Variants in USP28 observed in about 807,000 individuals in gnomAD.
The protein encoded by USP28 is ubiquitin specific peptidase 28, also known as ubiquitin carboxyl-terminal hydrolase 28.
USP28 carries 113 observed loss-of-function variants against 145.0 expected under a neutral mutation model. The observed-to-expected ratio is 0.78, with a 90% confidence interval of 0.67 to 0.91. The LOEUF is 0.91. USP28 is among the 40% of genes least tolerant of loss of function. The probability of loss-of-function intolerance (pLI) is 0.00; values close to 1 mark genes in which losing one functional copy is unlikely to be tolerated. For synonymous variants in USP28, 447 were observed against 450.9 expected, an observed-to-expected ratio of 0.99 and a Z score of 0.11; for missense variants, 1,201 against 1,289.6, an observed-to-expected ratio of 0.93 and a Z score of 1.05.
At chr11:113,859,987 T>C (rs1260100562) in intron 1 of USP28, among the ~76,000 whole-genome samples, 1 of 152,220 alleles carries the variant, frequency 6.6e-6, no homozygotes, top group Non-Finnish European at 1.5e-5. Flanking sequence ...TCTAGCCCAC[T>C]TCTCAGGAAG....
At position 113,833,502 on chromosome 11, in the gene USP28, A is replaced by T. The variant is rs1399358926; in HGVS notation, c.677T>A (p.Met226Lys). Reference sequence around the variant, plus strand: ...GTCTACAAATTTTCTATTTGATCCCATCATTAGAGCAAACAAATACTGAAG... The same window carrying T: ...GTCTACAAATTTTCTATTTGATCCCTTCATTAGAGCAAACAAATACTGAAG... The change falls in exon 7 of 25, where the codon ATG becomes AAG. Residue 226 changes from methionine to lysine, a missense_variant. Transcript: ENST00000003302. 4 of 1,614,232 alleles carry T rather than the reference A, an allele frequency of 2.5e-6. No homozygotes were observed. The Admixed American group carries it at 6.7e-5, about 27-fold the overall frequency.
chr11:113,841,612 T>G, intron 4 of USP28, 51 bp downstream of exon 4: 7 of 1,228,410 alleles, frequency 5.7e-6, no homozygotes, highest in Non-Finnish European at 8.2e-6. Flanking sequence ...GCTGTTGCCT[T>G]TGAGATACAC....
intron 1 of USP28, among the ~76,000 whole-genome samples, chr11:113,872,665 A>C (rs551295366): frequency 1.3e-5 from 2 of 152,212 alleles, no homozygotes; most frequent in African/African-American, 2.4e-5. Flanking sequence ...GCAGGTTTTT[A>C]TAAGGCTTCA....
In USP28 at chr11:113,854,276, AAAGG is replaced by A; in HGVS notation, c.113_116del (p.Ser38PhefsTer6). 21 of 1,614,054 alleles carry A rather than the reference AAAGG, an allele frequency of 1.3e-5. No individual in the cohort carries two copies. Among genetic ancestry groups the A allele is most frequent in the Non-Finnish European group, 1.8e-5 (21 of 1,179,936 alleles). ...AACCAACCTTCAGAGCTTCATGGAG[AAAGG>A]AAGGGTCCTGAATGCCTGTGATTTC... On this transcript the variant is annotated frameshift_variant, in exon 2 of 25. Transcript: ENST00000003302. LOFTEE classifies it high-confidence loss of function.
At chr11:113,836,070 CTG>C (rs1336739641) in intron 5 of USP28, among the ~76,000 whole-genome samples, 1 of 152,128 alleles carries the variant, frequency 6.6e-6, no homozygotes, top group Non-Finnish European at 1.5e-5. Context: ...AAGAACGAAA[CTG>C]TCTCAAAACA....
chr11:113,810,334 CAT>C (rs541342560), intron 16 of USP28, among the ~76,000 whole-genome samples: 360 of 152,240 alleles, frequency 2.4e-3, no homozygotes, highest in Non-Finnish European at 4.5e-3. Flanking sequence ...ATATCAATGA[CAT>C]ATAAAATTTC....
chr11:113,814,265 T>C (rs1323721430), intron 14 of USP28, among the ~76,000 whole-genome samples: 2 of 152,162 alleles, frequency 1.3e-5, no homozygotes, highest in African/African-American at 2.4e-5. Flanking sequence ...AGACAGGATC[T>C]GAAATGAGAA....
chr11:113,804,871 T>C, exon 20 of USP28: 1 of 1,614,082 alleles, frequency 6.2e-7, no homozygotes, highest in Non-Finnish European at 8.5e-7. Context: ...TTCTCACCTT[T>C]CATCATAGCT....
In USP28 at chr11:113,817,727, CTTTCAGGTGGACAGCTT is replaced by C. The variant is rs760599929; in HGVS notation, c.1377_1393del (p.Ser460Ter). 1 of 1,614,180 alleles carries C rather than the reference CTTTCAGGTGGACAGCTT, an allele frequency of 6.2e-7. No individual in the cohort carries two copies. The highest frequency in any genetic ancestry group is 8.5e-7 in the Non-Finnish European group (1 of 1,180,046). Reference sequence around the variant, plus strand: ...AAGTGGTAATGTCATATGTGTGTCACTTTCAGGTGGACAGCTTTCTGAGGCAGGTTTTGTACTAGCAA... The same window carrying C: ...AAGTGGTAATGTCATATGTGTGTCACTCTGAGGCAGGTTTTGTACTAGCAA... On this transcript the variant is annotated frameshift_variant, in exon 13 of 25. Coordinates refer to ENST00000003302, the Ensembl canonical transcript of USP28. LOFTEE classifies it high-confidence loss of function.
Position 113,827,153 on chromosome 11 carries a change from C to A in USP28, c.1187+80G>T. The A allele has an allele frequency of 2.0e-6, 3 of 1,497,106 alleles. 1 individual carries two copies. In the East Asian group the frequency reaches 7.1e-5, roughly 35 times the overall value. 92.7% of individuals were successfully genotyped at this position (1,497,106 alleles called of 1,614,324 possible). A position where few individuals can be genotyped will look rare whatever the true frequency, so the allele number is the denominator to read the frequency against. Reference sequence around the variant, plus strand: ...TATTATCATGTCTCCCAGGTGATTCCTACGCACACTATACTTAGTACGTGC... The same window carrying A: ...TATTATCATGTCTCCCAGGTGATTCATACGCACACTATACTTAGTACGTGC... On this transcript the variant is annotated intron_variant, in intron 11 of 24. Transcript: ENST00000003302.
At chr11:113,832,401 G>A (rs1025509272) in intron 7 of USP28, among the ~76,000 whole-genome samples, 16 of 152,114 alleles carry the variant, frequency 1.1e-4, no homozygotes, top group Admixed American at 2.6e-4. Context: ...CAGCTATTGC[G>A]CACAGCCTGA....
At chr11:113,853,587 AC>A in intron 2 of USP28, among the ~76,000 whole-genome samples, 1 of 152,232 alleles carries the variant, frequency 6.6e-6, no homozygotes, top group East Asian at 1.9e-4. Context: ...TAAAAATATA[AC>A]CCATGGCCCG....
At chr11:113,851,593 C>G (rs1946450297) in intron 3 of USP28, among the ~76,000 whole-genome samples, 1 of 152,142 alleles carries the variant, frequency 6.6e-6, no homozygotes, top group Non-Finnish European at 1.5e-5. Context: ...GTCAGGAGTT[C>G]AAGACCAGCT....
chr11:113,868,024 CCT>C (rs1026034999), intron 1 of USP28, among the ~76,000 whole-genome samples: 25 of 152,066 alleles, frequency 1.6e-4, no homozygotes, highest in Admixed American at 3.9e-4. Context: ...TATTTTGACC[CCT>C]GTTTTACGTA....
At chr11:113,821,494 G>A (rs544243042) in intron 12 of USP28, 4 of 214,356 alleles carry the variant, frequency 1.9e-5, no homozygotes, top group Non-Finnish European at 4.0e-5. Context: ...TCTGGGAGTG[G>A]GTCGGGTGGC....
At chr11:113,817,459 CA>C (rs1941904856) in intron 13 of USP28, among the ~76,000 whole-genome samples, 198 bp downstream of exon 13, 1 of 152,136 alleles carries the variant, frequency 6.6e-6, no homozygotes, top group African/African-American at 2.4e-5. Context: ...ATAACCCAAC[CA>C]TTCTACGGAT....
chr11:113,874,831 A>T, intron 1 of USP28: 1 of 1,032,144 alleles, frequency 9.7e-7, no homozygotes, highest in Non-Finnish European at 1.2e-6. Flanking sequence ...GGAGATCATC[A>T]TCAGTAGACT....
chr11:113,806,669 T>C, intron 18 of USP28, 85 bp from the exon 20 acceptor site: 2 of 962,516 alleles, frequency 2.1e-6, no homozygotes, highest in South Asian at 3.5e-5. Context: ...CTGAACAGAG[T>C]GCTAAAGGGC....
chr11:113,827,265 C>G, exon 11 of USP28: 1 of 1,611,878 alleles, frequency 6.2e-7, no homozygotes, highest in East Asian at 2.2e-5. Flanking sequence ...GAAATTCCAG[C>G]TTATTGTGAA....
Sources: allele counts gnomAD v4.1 joint callset (sites outside exome capture counted in the v4.1 genomes callset), GRCh38; gene constraint gnomAD v4.1.1; transcripts MANE v1.5; gene names NCBI Gene and HGNC (gene_info 2026-07-23, HGNC 2026-07-21).